The following DMD variants were observed in gnomAD, a reference collection of about 807,000 sequenced individuals.
DMD encodes dystrophin.
A neutral mutation model predicts 330.1 loss-of-function variants in DMD; 63 were observed. The observed-to-expected ratio is 0.19, with a 90% CI of 0.16 to 0.24. The LOEUF (loss-of-function observed/expected upper bound fraction) is 0.24. Among genes scored for constraint, DMD ranks in the 10% least tolerant of loss-of-function variants. The pLI is 1.00. For missense variants in DMD, 3,344 were observed against 2,684.1 expected (o/e 1.25, Z -5.43); for synonymous variants, 1,223 against 959.8 (o/e 1.27, Z -5.07).
intron 43 of DMD, among the ~76,000 whole-genome samples, chrX:32,260,789 T>TTAG (rs2097319313): frequency 3.2e-5 from 3 of 93,275 alleles, no homozygotes; most frequent in Admixed American, 2.5e-4. Flanking sequence ...TTCTGCTTCT[T>TTAG]CGAATCAAAG....
rs1383701636 is a variant in DMD, at chrX:32,887,770, A to AAAAAAAAAAAAAAAAAAAAAAAAAAAC, written c.94-37951_94-37950insGTTTTTTTTTTTTTTTTTTTTTTTTTT. On this transcript the variant is annotated intron_variant, in intron 2 of 78. Transcript: ENST00000357033. ...CAAAAAAAAAAAAAAAAAAAAAAAA[A>AAAAAAAAAAAAAAAAAAAAAAAAAAAC]AAAAAACATCAACTAAAAGCTTATG... 1.8e-4 allele frequency among the ~76,000 whole-genome samples: 13 copies of AAAAAAAAAAAAAAAAAAAAAAAAAAAC among 70,359 alleles called. 3 individuals carry two copies. Among genetic ancestry groups the AAAAAAAAAAAAAAAAAAAAAAAAAAAC allele is most frequent in the Non-Finnish European group, 2.9e-4 (10 of 34,638 alleles). The allele number at this position is 70,359 out of a possible 115,157, so 61.1% of individuals were successfully genotyped here.
At chrX:31,206,089 C>T (rs751161363) in intron 66 of DMD, among the ~76,000 whole-genome samples, 1 of 112,458 alleles carries the variant, frequency 8.9e-6, no homozygotes, top group East Asian at 2.8e-4. Flanking sequence ...AAACAGCAAG[C>T]TATCTGTCTC....
At chrX:32,868,969 G>C (rs924285724) in intron 2 of DMD, among the ~76,000 whole-genome samples, 3 of 111,641 alleles carry the variant, frequency 2.7e-5, no homozygotes, top group Non-Finnish European at 5.7e-5. Flanking sequence ...CCCAACAGCA[G>C]TCGCTAGACA....
chrX:32,305,184 C>G (rs1014301924), intron 42 of DMD, among the ~76,000 whole-genome samples: 1 of 111,562 alleles, frequency 9.0e-6, no homozygotes, highest in Non-Finnish European at 1.9e-5. Context: ...AATAGAAAAG[C>G]AGTCACTTTG....
chrX:31,156,128 T>C (rs955647479), intron 74 of DMD, among the ~76,000 whole-genome samples: 4 of 112,000 alleles, frequency 3.6e-5, no homozygotes, highest in African/African-American at 9.7e-5. Flanking sequence ...AGTAAGACTA[T>C]GCATATTTTA....
intron 21 of DMD, among the ~76,000 whole-genome samples, chrX:32,473,202 G>C (rs181912651): frequency 1.8e-5 from 2 of 110,875 alleles, no homozygotes; most frequent in East Asian, 5.7e-4. Flanking sequence ...AGAAATTCTA[G>C]AATTAAAAAT....
At chrX:31,334,666 G>A (rs1216831840) in intron 61 of DMD, among the ~76,000 whole-genome samples, 2 of 112,115 alleles carry the variant, frequency 1.8e-5, no homozygotes, top group Admixed American at 1.9e-4. Context: ...GGCACAGTAA[G>A]TAACAATGCT....
intron 62 of DMD, among the ~76,000 whole-genome samples, chrX:31,316,427 C>T (rs1301093170): frequency 9.0e-6 from 1 of 111,716 alleles, no homozygotes; most frequent in Non-Finnish European, 1.9e-5. Flanking sequence ...AACAGCTATC[C>T]TCCTGGAGTC....
In DMD at chrX:31,679,436, T is replaced by C. The variant is rs2082255701; in HGVS notation, c.7811A>G (p.Glu2604Gly). 8.3e-7 allele frequency: 1 copy of C among 1,210,180 alleles called. No individual in the cohort carries two copies. Among genetic ancestry groups the C allele is most frequent in the Non-Finnish European group, 1.1e-6 (1 of 895,246 alleles). ...QVLGQARAKL[E>G]SWKEGPYTVD... ...TGTATAGGGACCCTCCTTCCATGAC[T>C]CAAGCTTGGCTCTGGCCTGTCCTAA... The change falls in exon 53 of 79, where the codon GAG becomes GGG. Residue 2604 changes from glutamate (E) to glycine (G), a missense_variant. Coordinates refer to ENST00000357033, the MANE Select transcript of DMD (RefSeq NM_004006.3).
At chrX:31,957,903 C>T (rs1394779383) in intron 45 of DMD, among the ~76,000 whole-genome samples, 3 of 111,027 alleles carry the variant, frequency 2.7e-5, no homozygotes, top group African/African-American at 9.8e-5. Context: ...CTTTTGTAAA[C>T]AAAGGTAGGA....
intron 43 of DMD, among the ~76,000 whole-genome samples, chrX:32,258,464 C>T (rs2097308338): frequency 9.0e-6 from 1 of 111,400 alleles, no homozygotes; most frequent in Non-Finnish European, 1.9e-5. Flanking sequence ...ACATATACAC[C>T]ATGGAATACT....
chrX:31,951,159 G>GTATA (rs747836033), intron 45 of DMD, among the ~76,000 whole-genome samples: 960 of 71,672 alleles, frequency 0.013, 27 homozygotes, highest in African/African-American at 0.028. Flanking sequence ...ATATATATAT[G>GTATA]TATATATATA....
chrX:31,679,387 G>A lies in DMD; in HGVS notation c.7860C>T (p.Ile2620=). The A allele has an allele frequency of 8.3e-7, 1 of 1,206,527 alleles. No individual in the cohort carries two copies. ...PYTVDAIQKK[I]TETKQLAKDL... ...CTTTGATACTAACCTTGGTTTCTGT[G>A]ATTTTCTTTTGGATTGCATCTACTG... is the stretch of plus-strand genomic sequence containing the variant. Residue 2620 remains isoleucine, a synonymous_variant, in exon 53 of 79, where the codon ATC becomes ATT. Transcript: ENST00000357033.
chrX:32,658,454 G>T (rs1569413987), intron 9 of DMD, among the ~76,000 whole-genome samples: 1 of 111,300 alleles, frequency 9.0e-6, no homozygotes, highest in African/African-American at 3.3e-5. Context: ...TAGCCCCAAA[G>T]CATCTGGAGA....
intron 65 of DMD, among the ~76,000 whole-genome samples, chrX:31,207,648 T>C (rs1389698514): frequency 8.9e-6 from 1 of 111,779 alleles, no homozygotes; most frequent in Non-Finnish European, 1.9e-5. Context: ...CTGCATGTTC[T>C]CACTTCTAAG....
intron 12 of DMD, among the ~76,000 whole-genome samples, chrX:32,601,325 C>A (rs1448227072): frequency 8.9e-6 from 1 of 111,788 alleles, no homozygotes; most frequent in Non-Finnish European, 1.9e-5. Flanking sequence ...TATTCACTTA[C>A]TTAAATGTGA....
At chrX:31,182,951 A>C in intron 67 of DMD, 47 bp from the exon 68 acceptor site, 1 of 1,092,857 alleles carries the variant, frequency 9.2e-7, no homozygotes, top group Non-Finnish European at 1.3e-6. Flanking sequence ...GGATGAAAGG[A>C]AAGAAGGCAA....
intron 2 of DMD, among the ~76,000 whole-genome samples, chrX:32,918,860 T>C (rs767698655): frequency 4.6e-4 from 51 of 111,849 alleles, no homozygotes; most frequent in African/African-American, 1.7e-3. Context: ...ATACCTGCTA[T>C]TGTACAGGTT....
At chrX:33,054,571 A>C (rs563089731) in intron 1 of DMD, among the ~76,000 whole-genome samples, 1 of 112,563 alleles carries the variant, frequency 8.9e-6, no homozygotes, top group Non-Finnish European at 1.9e-5. Context: ...GAAAACATTG[A>C]ATTAAGTCAA....
Sources: allele counts gnomAD v4.1 joint callset (sites outside exome capture counted in the v4.1 genomes callset), GRCh38; gene constraint gnomAD v4.1.1; transcripts MANE v1.5; gene names NCBI Gene and HGNC (gene_info 2026-07-23, HGNC 2026-07-21).